Variants in CHST8 observed in about 807,000 individuals in gnomAD.
The protein encoded by CHST8 is carbohydrate sulfotransferase 8.
CHST8 carries 10 observed loss-of-function variants against 15.0 expected under a neutral mutation model. That is an observed-to-expected ratio of 0.67 (90% CI 0.41 to 1.13). CHST8 has a LOEUF of 1.13. CHST8 is among the 50% of genes most tolerant of loss of function. CHST8 has a pLI of 0.00. For missense variants in CHST8, 634 were observed against 608.2 expected (o/e 1.04, Z -0.45); for synonymous variants, 259 against 256.6 (o/e 1.01, Z -0.09).
intron 3 of CHST8, among the ~76,000 whole-genome samples, chr19:33,716,291 G>A (rs1335671897): frequency 6.6e-6 from 1 of 152,132 alleles, no homozygotes; most frequent in Non-Finnish European, 1.5e-5. Flanking sequence ...GTCTCTTGTG[G>A]TGGAGGCTGT....
At chr19:33,762,579 T>G (rs891823358) in intron 3 of CHST8, among the ~76,000 whole-genome samples, 2 of 152,204 alleles carry the variant, frequency 1.3e-5, no homozygotes, top group Non-Finnish European at 2.9e-5. Context: ...TGCACCCCAG[T>G]GTCGCTGCGC....
intron 1 of CHST8, among the ~76,000 whole-genome samples, chr19:33,632,574 C>T (rs1972135692): frequency 6.6e-6 from 1 of 152,044 alleles, no homozygotes. Context: ...CGAACAGATC[C>T]TACGTATACA....
rs141198025 is a variant in CHST8, at chr19:33,674,662, C to T, written c.-87+6819C>T. On this transcript the variant is annotated intron_variant, in intron 2 of 4. Coordinates refer to ENST00000650847, the MANE Select transcript of CHST8 (RefSeq NM_001127895.2). ...AGAGGGGATGGAGCAGGGAGAGGAG[C>T]GGGAGGCACAGATGGCAGATGGTCC... is the stretch of plus-strand genomic sequence containing the variant. Among the ~76,000 whole-genome samples the T allele has an allele frequency of 8.4e-4, 128 of 152,260 alleles. 1 individual carries two copies. Among genetic ancestry groups the T allele is most frequent in the Non-Finnish European group, 1.5e-3 (103 of 68,008 alleles).
chr19:33,738,027 A>G (rs757651566), intron 3 of CHST8, among the ~76,000 whole-genome samples: 2 of 152,194 alleles, frequency 1.3e-5, no homozygotes, highest in Non-Finnish European at 2.9e-5. Flanking sequence ...CTACACTGAG[A>G]ACATCTTGAC....
chr19:33,686,172 CG>C (rs573578337), intron 2 of CHST8, among the ~76,000 whole-genome samples: 1 of 152,134 alleles, frequency 6.6e-6, no homozygotes, highest in Admixed American at 6.5e-5. Context: ...CGTGTTCTCT[CG>C]GGGGCCAGCA....
chr19:33,628,603 G>A (rs1371710733), intron 1 of CHST8, among the ~76,000 whole-genome samples: 8 of 152,234 alleles, frequency 5.3e-5, no homozygotes, highest in Admixed American at 2.0e-4. Flanking sequence ...AAACTAGTGG[G>A]CGGTGTAGGC....
At chr19:33,760,648 G>A (rs1271093406) in intron 3 of CHST8, among the ~76,000 whole-genome samples, 1 of 152,038 alleles carries the variant, frequency 6.6e-6, no homozygotes, top group Non-Finnish European at 1.5e-5. Flanking sequence ...TTCAGTCTCT[G>A]GACCCATCTC....
At chr19:33,681,200 G>A (rs1426693131) in intron 2 of CHST8, among the ~76,000 whole-genome samples, 2 of 152,222 alleles carry the variant, frequency 1.3e-5, no homozygotes, top group Non-Finnish European at 2.9e-5. Context: ...GCTGGGCTCA[G>A]TGGAGTTCAC....
chr19:33,731,512 G>A (rs1362157416), intron 3 of CHST8, among the ~76,000 whole-genome samples: 1 of 152,120 alleles, frequency 6.6e-6, no homozygotes, highest in Non-Finnish European at 1.5e-5. Flanking sequence ...TCACCATCTT[G>A]GATTTGGTGA....
intron 1 of CHST8, among the ~76,000 whole-genome samples, chr19:33,626,771 G>A (rs942525200): frequency 1.5e-4 from 22 of 146,024 alleles, no homozygotes; most frequent in African/African-American, 2.0e-4. Context: ...CAAATAAGCC[G>A]CTTTTTTTTT....
At chr19:33,629,136 C>A (rs900495889) in intron 1 of CHST8, among the ~76,000 whole-genome samples, 1 of 152,222 alleles carries the variant, frequency 6.6e-6, no homozygotes, top group Non-Finnish European at 1.5e-5. Context: ...CCTGGCCCAA[C>A]TTTTGCCTCC....
At chr19:33,688,764 G>A (rs1973035541) in intron 2 of CHST8, among the ~76,000 whole-genome samples, 1 of 152,162 alleles carries the variant, frequency 6.6e-6, no homozygotes, top group South Asian at 2.1e-4. Flanking sequence ...CCACCGGGCC[G>A]GGTACCAGGG....
At chr19:33,704,015 G>C (rs1265058287) in intron 3 of CHST8, among the ~76,000 whole-genome samples, 1 of 152,216 alleles carries the variant, frequency 6.6e-6, no homozygotes, top group East Asian at 1.9e-4. Context: ...GTCCCAGAGG[G>C]AAGTCGGGGG....
intron 3 of CHST8, among the ~76,000 whole-genome samples, chr19:33,715,256 C>T (rs181344160): frequency 6.6e-6 from 1 of 152,334 alleles, no homozygotes; most frequent in East Asian, 1.9e-4. Context: ...CCAATCCCCT[C>T]TCTGGCTGTG....
At chr19:33,742,506 C>T (rs1284841711) in intron 3 of CHST8, among the ~76,000 whole-genome samples, 1 of 152,134 alleles carries the variant, frequency 6.6e-6, no homozygotes, top group Non-Finnish European at 1.5e-5. Flanking sequence ...AGCAAGAACT[C>T]GCTCATTACC....
chr19:33,732,644 A>C (rs1436949912), intron 3 of CHST8, among the ~76,000 whole-genome samples: 1 of 152,018 alleles, frequency 6.6e-6, no homozygotes, highest in Non-Finnish European at 1.5e-5. Context: ...TCCCAAACAC[A>C]ATTTTCTCAG....
intron 1 of CHST8, among the ~76,000 whole-genome samples, chr19:33,646,776 T>C (rs1475652238): frequency 6.6e-6 from 1 of 152,128 alleles, no homozygotes; most frequent in Admixed American, 6.5e-5. Context: ...TAGCCAGACA[T>C]GGTGGCGTAC....
intron 3 of CHST8, among the ~76,000 whole-genome samples, chr19:33,737,661 G>C (rs981458301): frequency 6.6e-6 from 1 of 152,202 alleles, no homozygotes; most frequent in African/African-American, 2.4e-5. Flanking sequence ...TAAGTTTGAA[G>C]TCTGAGCCAG....
chr19:33,679,069 A>G (rs1259224154), intron 2 of CHST8, among the ~76,000 whole-genome samples: 4 of 152,194 alleles, frequency 2.6e-5, no homozygotes, highest in Non-Finnish European at 4.4e-5. Context: ...AAGGCAGCCA[A>G]GGCTTCTTGC....
Sources: gnomAD v4.1 joint callset for allele counts (sites outside exome capture counted in the v4.1 genomes callset) on GRCh38, gnomAD v4.1.1 for gene constraint, MANE v1.5 for transcripts, NCBI Gene and HGNC (gene_info 2026-07-23, HGNC 2026-07-21) for gene names.